PDE6C: variants seen among roughly 807,000 people sequenced by gnomAD.
PDE6C encodes cone cGMP-specific 3',5'-cyclic phosphodiesterase subunit alpha'.
Under a neutral mutation model 113.1 loss-of-function variants are expected in PDE6C, and 75 were observed. The observed-to-expected ratio is 0.66, with a 90% CI of 0.55 to 0.80. The LOEUF (loss-of-function observed/expected upper bound fraction) is 0.80. PDE6C is among the 30% of genes least tolerant of loss of function. PDE6C has a pLI of 0.00. For synonymous variants in PDE6C, 375 were observed against 363.7 expected, an observed-to-expected ratio of 1.03 and a Z score of -0.35; for missense variants, 912 against 1,038.6, an observed-to-expected ratio of 0.88 and a Z score of 1.67.
chr10:93,613,934 C>G (rs931852699), intron 1 of PDE6C, among the ~76,000 whole-genome samples: 2 of 152,138 alleles, frequency 1.3e-5, no homozygotes, highest in Non-Finnish European at 2.9e-5. Context: ...CATTGAGATG[C>G]CCCTTATAGA....
chr10:93,663,663 G>C (rs2058676876), intron 21 of PDE6C, among the ~76,000 whole-genome samples: 1 of 139,142 alleles, frequency 7.2e-6, no homozygotes, highest in South Asian at 2.4e-4. Context: ...GAGTAAGGCT[G>C]AAATTGCCGG....
At chr10:93,664,875 A>C (rs1263835068) in intron 21 of PDE6C, among the ~76,000 whole-genome samples, 1 of 151,986 alleles carries the variant, frequency 6.6e-6, no homozygotes, top group Non-Finnish European at 1.5e-5. Context: ...TATTTAATTT[A>C]TTTTTTTGAG....
At position 93,613,041 on chromosome 10, in the gene PDE6C, G is replaced by C; in HGVS notation, c.316G>C (p.Gly106Arg). Residue 106 changes from glycine (G) to arginine (R), a missense_variant, in exon 1 of 22, where the codon GGC becomes CGC. Coordinates refer to ENST00000371447, the MANE Select transcript of PDE6C (RefSeq NM_006204.4). ...CATGTTCCTGTGCCGGTCCCGGAAC[G>C]GCATACCTGAGGTGGCCTCTAGGTT... Reference protein sequence around the residue: ...CSMFLCRSRNGIPEVASRLLD... With the variant: ...CSMFLCRSRNRIPEVASRLLD... 1.9e-6 allele frequency: 3 copies of C among 1,614,164 alleles called. No individual in the cohort carries two copies. The highest frequency in any genetic ancestry group is 2.5e-6 in the Non-Finnish European group (3 of 1,180,040).
intron 21 of PDE6C, among the ~76,000 whole-genome samples, chr10:93,664,756 C>G (rs539913196): frequency 1.4e-4 from 22 of 152,202 alleles, no homozygotes; most frequent in Non-Finnish European, 3.2e-4. Context: ...TATTTTCTAT[C>G]ACCAGGCATG....
Position 93,635,584 on chromosome 10 carries a change from C to A in PDE6C, c.1357C>A (p.Gln453Lys), listed in dbSNP as rs752947586. The change falls in exon 10 of 22, where the codon CAG (glutamine) becomes AAG (lysine). Residue 453 changes from glutamine (Q) to lysine (K), a missense_variant. Coordinates refer to ENST00000371447, the MANE Select transcript of PDE6C (RefSeq NM_006204.4). ...GCTAGAAAACAGAAAGGACATTGCT[C>A]AGGAAATGCTCATGAACCAAACCAA... ...NKLENRKDIA[Q>K]EMLMNQTKAT... The A allele has an allele frequency of 6.2e-6, 10 of 1,613,852 alleles. No individual in the cohort carries two copies. The highest frequency in any genetic ancestry group is 8.5e-6 in the Non-Finnish European group (10 of 1,179,800).
In PDE6C at chr10:93,612,676, T is replaced by C. The variant is rs780009792; in HGVS notation, c.-50T>C. The C allele has an allele frequency of 3.7e-6, 6 of 1,611,782 alleles. No individual in the cohort carries two copies. In the Middle Eastern group the frequency reaches 6.3e-4, roughly 170 times the overall value. Reference sequence around the variant, plus strand: ...CTTCTCATCACTCTGCCTCAGGTAGTGCTCTGAAGGTCGTCCTTTCTGAAC... The same window carrying C: ...CTTCTCATCACTCTGCCTCAGGTAGCGCTCTGAAGGTCGTCCTTTCTGAAC... On this transcript the variant is annotated 5_prime_UTR_variant, in exon 1 of 22. Transcript: ENST00000371447.
intron 7 of PDE6C, 48 bp downstream of exon 7, chr10:93,626,919 C>G: frequency 6.8e-7 from 1 of 1,466,088 alleles, no homozygotes; most frequent in Non-Finnish European, 9.5e-7. Flanking sequence ...GCAAGAAACT[C>G]TTATTAGCTA....
Position 93,640,076 on chromosome 10 carries a change from G to T in PDE6C, c.1489G>T (p.Asp497Tyr), listed in dbSNP as rs2134611158. 1 of 1,614,070 alleles carries T rather than the reference G, an allele frequency of 6.2e-7. No individual in the cohort carries two copies. ...CCCATCCTTATTTCAACAGAAAGAG[G>T]ACTTGCCAGACCCACGCTCAGCAGA... ...EKQLVAILKE[D>Y]LPDPRSAELY... is the part of the protein sequence containing the mutation. Residue 497 changes from aspartate to tyrosine, a missense_variant, in exon 12 of 22, where the codon GAC (aspartate) becomes TAC (tyrosine). Coordinates refer to ENST00000371447, the MANE Select transcript of PDE6C (RefSeq NM_006204.4).
chr10:93,650,686 C>G (rs1484094286), intron 15 of PDE6C, among the ~76,000 whole-genome samples: 1 of 152,150 alleles, frequency 6.6e-6, no homozygotes, highest in Non-Finnish European at 1.5e-5. Context: ...GTGTCCTTAT[C>G]ACAAGAAATG....
rs1047798635 is a variant in PDE6C, at chr10:93,640,096, A to G, written c.1509A>G (p.Ser503=). 6.2e-7 allele frequency: 1 copy of G among 1,614,174 alleles called. No homozygotes were observed. Among genetic ancestry groups the G allele is most frequent in the Non-Finnish European group, 8.5e-7 (1 of 1,179,986 alleles). The change falls in exon 12 of 22, where the codon TCA becomes TCG. Residue 503 remains serine (S), a synonymous_variant. Transcript: ENST00000371447. ...AAGAGGACTTGCCAGACCCACGCTCAGCAGAACTGTACGAATTCCGCTTCA... is the reference window on the plus strand; with the variant it reads ...AAGAGGACTTGCCAGACCCACGCTCGGCAGAACTGTACGAATTCCGCTTCA... ...ILKEDLPDPR[S]AELYEFRFSD...
intron 4 of PDE6C, among the ~76,000 whole-genome samples, chr10:93,623,400 G>T (rs539644461): frequency 6.6e-6 from 1 of 152,258 alleles, no homozygotes; most frequent in East Asian, 1.9e-4. Context: ...CTTTCTCCCA[G>T]TCTGTGGCTT....
intron 11 of PDE6C, among the ~76,000 whole-genome samples, chr10:93,638,894 G>A (rs574779199): frequency 5.3e-5 from 8 of 152,150 alleles, no homozygotes; most frequent in Non-Finnish European, 7.4e-5. Flanking sequence ...ACCAGAAACC[G>A]TAATTTTGTT....
At chr10:93,641,586 G>C (rs909811121) in intron 14 of PDE6C, among the ~76,000 whole-genome samples, 1 of 152,162 alleles carries the variant, frequency 6.6e-6, no homozygotes, top group East Asian at 1.9e-4. Context: ...AGAGGTTGTA[G>C]TGAGCCAAGA....
rs1246031961 is a variant in PDE6C, at chr10:93,634,765, C to G, written c.1127C>G (p.Pro376Arg). 1 of 1,614,058 alleles carries G rather than the reference C, an allele frequency of 6.2e-7. No homozygotes were observed. Among genetic ancestry groups the G allele is most frequent in the Admixed American group, 1.7e-5 (1 of 60,022 alleles). Residue 376 changes from proline (P) to arginine (R), a missense_variant, in exon 9 of 22, where the codon CCT becomes CGT. By Grantham distance (103) the Pro-to-Arg change is moderately radical. Coordinates refer to ENST00000371447, the MANE Select transcript of PDE6C (RefSeq NM_006204.4). Reference protein sequence around the residue: ...ADEYFTFQKGPVDETGWVIKN... With the variant: ...ADEYFTFQKGRVDETGWVIKN... ...GTCCCTTCTCGTTTGTAGAAAGGAC[C>G]TGTAGACGAAACTGGTTGGGTCATT...
Position 93,620,769 on chromosome 10 carries a change from CAAACAGG to C in PDE6C, c.620_626del (p.Lys207MetfsTer16). 1 of 1,614,104 alleles carries C rather than the reference CAAACAGG, an allele frequency of 6.2e-7. No homozygotes were observed. The highest frequency in any genetic ancestry group is 1.6e-4 in the Middle Eastern group (1 of 6,062). ...ACAAAGTAAATGCATCTGAATTTTC[CAAACAGG>C]ATGAAGAGGTAATGCTAACCCTGGG... is the stretch of plus-strand genomic sequence containing the variant. On this transcript the variant is annotated frameshift_variant, in exon 2 of 22. Coordinates refer to ENST00000371447, the MANE Select transcript of PDE6C (RefSeq NM_006204.4). LOFTEE classifies it high-confidence loss of function.
intron 15 of PDE6C, among the ~76,000 whole-genome samples, chr10:93,652,198 G>A (rs965743804): frequency 1.3e-5 from 2 of 152,176 alleles, no homozygotes; most frequent in African/African-American, 2.4e-5. Flanking sequence ...TATCAGAGAT[G>A]GGCCACAAAT....
chr10:93,648,629 A>G (rs2058595281), intron 15 of PDE6C, among the ~76,000 whole-genome samples: 1 of 152,182 alleles, frequency 6.6e-6, no homozygotes, highest in Non-Finnish European at 1.5e-5. Context: ...ATGTCCTTCT[A>G]TCCTAGCAGA....
chr10:93,655,383 C>T (rs190957634), intron 15 of PDE6C, among the ~76,000 whole-genome samples: 269 of 152,134 alleles, frequency 1.8e-3, no homozygotes, highest in African/African-American at 6.3e-3. Context: ...GGACTTCTCC[C>T]AGAAATTCTT....
intron 7 of PDE6C, 68 bp downstream of exon 7, chr10:93,626,939 T>A: frequency 1.5e-6 from 2 of 1,378,012 alleles, no homozygotes; most frequent in South Asian, 1.2e-5. Context: ...AAGAGATAGA[T>A]ACAATTGTGA....
Sources: allele counts gnomAD v4.1 joint callset (sites outside exome capture counted in the v4.1 genomes callset), GRCh38; gene constraint gnomAD v4.1.1; transcripts MANE v1.5; gene names NCBI Gene and HGNC (gene_info 2026-07-23, HGNC 2026-07-21).